The following SLC25A18 variants were observed in gnomAD, a reference collection of about 807,000 sequenced individuals.
The protein encoded by SLC25A18 is mitochondrial glutamate carrier 2.
In SLC25A18, 24 loss-of-function variants were observed where a neutral mutation model predicts 31.1. That is an observed-to-expected ratio of 0.77 (90% confidence interval 0.56 to 1.08). The LOEUF is 1.08. SLC25A18 is among the 50% of genes least tolerant of loss of function. The pLI, the probability that SLC25A18 is intolerant of heterozygous loss-of-function variation, is 0.00. For missense variants in SLC25A18, 371 were observed against 418.5 expected, an observed-to-expected ratio of 0.89 and a Z score of 0.99; for synonymous variants, 173 against 161.9, an observed-to-expected ratio of 1.07 and a Z score of -0.52.
At chr22:17,571,922 C>G (rs977955150) in intron 2 of SLC25A18, among the ~76,000 whole-genome samples, 1 of 151,952 alleles carries the variant, frequency 6.6e-6, no homozygotes, top group East Asian at 1.9e-4. Flanking sequence ...GAGGCTGAGG[C>G]AGGAGAATCG....
At position 17,582,569 on chromosome 22, in the gene SLC25A18, C is replaced by T; in HGVS notation, c.206C>T (p.Ala69Val). ...TCTTGTCCTTCACTTCCAGGGGCTG[C>T]AGTGAACCTCACTCTGGTCACTCCA... ...EGFFGMYRGA[A>V]VNLTLVTPEK... The change falls in exon 6 of 11, where the codon GCA becomes GTA. Residue 69 changes from alanine to valine, a missense_variant. Transcript: ENST00000327451. 1 of 1,596,128 alleles carries T rather than the reference C, an allele frequency of 6.3e-7. No individual in the cohort carries two copies. Among genetic ancestry groups the T allele is most frequent in the African/African-American group, 1.3e-5 (1 of 74,804 alleles).
rs774095010 is a variant in SLC25A18, at chr22:17,583,546, C to A, written c.409+12C>A. The A allele has an allele frequency of 3.8e-5, 61 of 1,612,422 alleles. No individual in the cohort carries two copies. The Admixed American group carries it at 9.5e-4, about 25-fold the overall frequency. The stretch of plus-strand genomic sequence containing the variant: ...TGCTGGACGCCTGGGTGAGGCCTGT[C>A]CCCACCTCCTATGGGAACAGTAAAG... On this transcript the variant is annotated intron_variant, in intron 7 of 10. Transcript: ENST00000327451.
intron 2 of SLC25A18, among the ~76,000 whole-genome samples, chr22:17,576,701 A>G (rs1287923810): frequency 2.0e-5 from 3 of 152,176 alleles, no homozygotes; most frequent in Non-Finnish European, 4.4e-5. Flanking sequence ...TTTGATTAGC[A>G]TAGGCCTGCG....
chr22:17,587,937 C>T lies in SLC25A18; in HGVS notation c.588C>T (p.Phe196=), dbSNP rs756887760. 3 of 1,614,172 alleles carry T rather than the reference C, an allele frequency of 1.9e-6. No homozygotes were observed. The highest frequency in any genetic ancestry group is 1.6e-4 in the Middle Eastern group (1 of 6,062). ...TCCTCTTCTGCAGAGACATTCCTTTCTCCATCATCTACTTCCCACTGTTTG... is the reference window on the plus strand; with the variant it reads ...TCCTCTTCTGCAGAGACATTCCTTTTTCCATCATCTACTTCCCACTGTTTG... ...LGATLLRDIP[F]SIIYFPLFAN... The change falls in exon 9 of 11, where the codon TTC becomes TTT. Residue 196 remains phenylalanine (F), a synonymous_variant. Coordinates refer to ENST00000327451, the MANE Select transcript of SLC25A18 (RefSeq NM_031481.3).
At chr22:17,582,831 G>A (rs1417686610) in intron 6 of SLC25A18, among the ~76,000 whole-genome samples, 178 bp downstream of exon 6, 2 of 152,124 alleles carry the variant, frequency 1.3e-5, no homozygotes, top group Non-Finnish European at 2.9e-5. Context: ...AGAATGAGCT[G>A]GTATACTTTG....
intron 7 of SLC25A18, among the ~76,000 whole-genome samples, chr22:17,586,225 A>T (rs1390652808): frequency 6.6e-6 from 1 of 152,160 alleles, no homozygotes; most frequent in Non-Finnish European, 1.5e-5. Flanking sequence ...GTGTCTAGAA[A>T]TCACCTAGGC....
intron 3 of SLC25A18, chr22:17,580,589 C>T: frequency 1.0e-6 from 1 of 993,372 alleles, no homozygotes; most frequent in South Asian, 4.6e-5. Context: ...CTCAGCAACC[C>T]TGGAGTGAGT....
chr22:17,582,765 T>C (rs1189455773), intron 6 of SLC25A18, 112 bp downstream of exon 6: 1 of 892,036 alleles, frequency 1.1e-6, no homozygotes, highest in Non-Finnish European at 1.7e-6. Context: ...CATATAAATA[T>C]GTGCACACAT....
chr22:17,565,726 G>T (rs966496353), intron 1 of SLC25A18, among the ~76,000 whole-genome samples: 1 of 152,092 alleles, frequency 6.6e-6, no homozygotes, highest in African/African-American at 2.4e-5. Flanking sequence ...AATTAGCCGG[G>T]CATGATGGGG....
At chr22:17,587,113 G>C (rs1433597305) in intron 7 of SLC25A18, 23 bp from the exon 8 acceptor site, 4 of 1,611,266 alleles carry the variant, frequency 2.5e-6, no homozygotes, top group Non-Finnish European at 3.4e-6. Flanking sequence ...ACCAGGTACT[G>C]ATGTCTGTCC....
At position 17,590,302 on chromosome 22, in the gene SLC25A18, G is replaced by C. The variant is rs1443298001; in HGVS notation, c.*66G>C. On this transcript the variant is annotated 3_prime_UTR_variant, in exon 11 of 11. Transcript: ENST00000327451. ...TCTAGCTGTTTCACTTAGCCTAGAG[G>C]GGGCAAGGGCAGGTGGGGCCACTCT... The C allele has an allele frequency of 1.2e-5, 19 of 1,603,254 alleles. No individual in the cohort carries two copies. Among genetic ancestry groups the C allele is most frequent in the Non-Finnish European group, 1.4e-5 (16 of 1,173,300 alleles).
At chr22:17,589,955 C>A in intron 10 of SLC25A18, 140 bp from the exon 11 acceptor site, 2 of 1,240,884 alleles carry the variant, frequency 1.6e-6, no homozygotes, top group Non-Finnish European at 1.1e-6. Context: ...CGAGGCACAG[C>A]TCCCACACCG....
chr22:17,564,749 C>T (rs940473237), intron 1 of SLC25A18, among the ~76,000 whole-genome samples: 2 of 150,768 alleles, frequency 1.3e-5, no homozygotes, highest in Non-Finnish European at 2.9e-5. Context: ...CCCAGCTACT[C>T]GGGAGGCTGA....
At chr22:17,588,345 A>G (rs2057614454) in intron 9 of SLC25A18, 15 of 378,552 alleles carry the variant, frequency 4.0e-5, no homozygotes, top group South Asian at 3.5e-4. Context: ...ATTATTGCTG[A>G]TGTGTTAAAA....
At chr22:17,581,500 G>A (rs1203949343) in intron 5 of SLC25A18, 87 bp downstream of exon 5, 1 of 1,487,022 alleles carries the variant, frequency 6.7e-7, no homozygotes, top group East Asian at 2.3e-5. Flanking sequence ...GTTGCTGCGG[G>A]GATGGGGCCA....
In SLC25A18 at chr22:17,590,210, G is replaced by C; in HGVS notation, c.922G>C (p.Glu308Gln). 1 of 1,614,242 alleles carries C rather than the reference G, an allele frequency of 6.2e-7. No homozygotes were observed. The highest frequency in any genetic ancestry group is 8.5e-7 in the Non-Finnish European group (1 of 1,180,054). ...AQGVYFIGIG[E>Q]RILKCFD ...AGGGGTCTATTTTATTGGGATTGGA[G>C]AGCGCATCTTAAAGTGTTTTGACTA... The change falls in exon 11 of 11, where the codon GAG becomes CAG. Residue 308 changes from glutamate to glutamine, a missense_variant. By Grantham distance (29) the Glu-to-Gln change is conservative. Transcript: ENST00000327451.
At chr22:17,588,229 A>C (rs945983800) in intron 9 of SLC25A18, 150 bp downstream of exon 9, 9 of 797,224 alleles carry the variant, frequency 1.1e-5, no homozygotes, top group Non-Finnish European at 1.6e-5. Context: ...AGTGGGTCCC[A>C]AGAGACCTTC....
chr22:17,587,306 G>A lies in SLC25A18; in HGVS notation c.575+5G>A, dbSNP rs2057578323. 1 of 1,608,248 alleles carries A rather than the reference G, an allele frequency of 6.2e-7. No homozygotes were observed. The highest frequency in any genetic ancestry group is 2.2e-5 in the East Asian group (1 of 44,814). On this transcript the variant is annotated splice_donor_5th_base_variant and intron_variant, in intron 8 of 10. Coordinates refer to ENST00000327451, the MANE Select transcript of SLC25A18 (RefSeq NM_031481.3). ...CCTGGGTGCCACTCTCCTCAGGTGA[G>A]CCTTTCTTCCGGTTCCCTAGGACAA...
At chr22:17,581,561 C>T in intron 5 of SLC25A18, 148 bp downstream of exon 5, 3 of 835,386 alleles carry the variant, frequency 3.6e-6, no homozygotes, top group Non-Finnish European at 5.6e-6. Flanking sequence ...TGGGTGGAGA[C>T]AGAGGCAGCT....
Sources: allele counts gnomAD v4.1 joint callset (sites outside exome capture counted in the v4.1 genomes callset), GRCh38; gene constraint gnomAD v4.1.1; transcripts MANE v1.5; gene names NCBI Gene and HGNC (gene_info 2026-07-23, HGNC 2026-07-21).